The following VIT variants were observed in gnomAD, a reference collection of about 807,000 sequenced individuals.
The protein encoded by VIT is vitrin.
VIT carries 99 observed loss-of-function variants against 78.0 expected under a neutral mutation model. The ratio of observed to expected loss-of-function variants is 1.27; its 90% confidence interval spans 1.08 to 1.50. The LOEUF is 1.50. VIT is among the 40% of genes most tolerant of loss of function. VIT has a pLI of 0.00. For missense variants in VIT, 1,126 were observed against 875.3 expected, an observed-to-expected ratio of 1.29 and a Z score of -3.61; for synonymous variants, 374 against 334.3, an observed-to-expected ratio of 1.12 and a Z score of -1.29.
In VIT at chr2:36,814,152, A is replaced by T. The variant is rs116789127; in HGVS notation, c.1904-31A>T. On this transcript the variant is annotated intron_variant, in intron 15 of 15. Transcript: ENST00000379242. ...TCTTTAGCAGCACCTTTACTTGGGGACATTTGTTCATCTAACCTTTGTCCC... is the reference window on the plus strand; with the variant it reads ...TCTTTAGCAGCACCTTTACTTGGGGTCATTTGTTCATCTAACCTTTGTCCC... The T allele has an allele frequency of 5.3e-4, 851 of 1,600,786 alleles. 8 individuals carry two copies. In the African/African-American group the frequency reaches 0.01, roughly 19 times the overall value.
At chr2:36,799,572 G>T (rs1171418966) in intron 12 of VIT, among the ~76,000 whole-genome samples, 1 of 152,124 alleles carries the variant, frequency 6.6e-6, no homozygotes, top group Non-Finnish European at 1.5e-5. Flanking sequence ...GAAAAAATTT[G>T]CTGGGTGTGG....
chr2:36,783,316 C>A, intron 10 of VIT, 24 bp from the exon 11 acceptor site: 3 of 1,613,446 alleles, frequency 1.9e-6, no homozygotes, highest in Non-Finnish European at 2.5e-6. Flanking sequence ...TGTAAGTCAC[C>A]AAAAGTTTTA....
At chr2:36,803,489 G>C (rs563716127) in intron 13 of VIT, among the ~76,000 whole-genome samples, 1 of 152,176 alleles carries the variant, frequency 6.6e-6, no homozygotes. Flanking sequence ...TTCTCATGGC[G>C]TCTTGTGCTC....
intron 11 of VIT, among the ~76,000 whole-genome samples, chr2:36,786,846 C>A (rs1207088933): frequency 6.6e-6 from 1 of 152,230 alleles, no homozygotes; most frequent in East Asian, 1.9e-4. Flanking sequence ...TGACAGCCTT[C>A]CCTAGCTTGG....
intron 3 of VIT, among the ~76,000 whole-genome samples, chr2:36,730,206 T>A (rs1340698866): frequency 6.6e-6 from 1 of 151,506 alleles, no homozygotes; most frequent in Non-Finnish European, 1.5e-5. Flanking sequence ...GAGAATCACT[T>A]GAACCTGGGA....
intron 3 of VIT, among the ~76,000 whole-genome samples, chr2:36,735,176 GA>G (rs1042720847): frequency 6.6e-6 from 1 of 150,786 alleles, no homozygotes; most frequent in African/African-American, 2.4e-5. Context: ...AAAAGAAAAA[GA>G]AAAAAAGAAA....
At position 36,801,220 on chromosome 2, in the gene VIT, A is replaced by G. The variant is rs572597944; in HGVS notation, c.1059-81A>G. On this transcript the variant is annotated intron_variant, in intron 12 of 15. Transcript: ENST00000379242. ...TTGAAGCAGCTTCTATTTGTATATA[A>G]AAGAATCAACCATGATCTCTGCCTT... is the stretch of plus-strand genomic sequence containing the variant. The G allele has an allele frequency of 5.3e-5, 68 of 1,289,566 alleles. No individual in the cohort carries two copies. In the East Asian group the frequency reaches 1.4e-3, roughly 27 times the overall value. The allele number at this position is 1,289,566 out of a possible 1,614,324, so 79.9% of individuals were successfully genotyped here. A position where few individuals can be genotyped will look rare whatever the true frequency, so the allele number is the denominator to read the frequency against.
Position 36,808,900 on chromosome 2 carries a change from C to G in VIT, c.1818C>G (p.Pro606=), listed in dbSNP as rs1408192744. ...AGCAGCTCTTCAAGAAGTCCAAGCCCAACAAGAGGAAGTTAATGATCCTCA... is the reference window on the plus strand; with the variant it reads ...AGCAGCTCTTCAAGAAGTCCAAGCCGAACAAGAGGAAGTTAATGATCCTCA... ...ALEQLFKKSK[P]NKRKLMILIT... The change falls in exon 15 of 16, where the codon CCC becomes CCG. Residue 606 remains proline (P), a synonymous_variant. Coordinates refer to ENST00000379242, the MANE Select transcript of VIT (RefSeq NM_053276.4). The G allele has an allele frequency of 6.2e-7, 1 of 1,613,948 alleles. No individual in the cohort carries two copies. The highest frequency in any genetic ancestry group is 1.3e-5 in the African/African-American group (1 of 74,902).
chr2:36,775,566 T>C (rs1223047102), intron 9 of VIT, among the ~76,000 whole-genome samples: 1 of 152,172 alleles, frequency 6.6e-6, no homozygotes, highest in East Asian at 1.9e-4. Flanking sequence ...TTTTCTGAGT[T>C]TACCATCCTC....
chr2:36,759,932 G>A (rs983668739), intron 6 of VIT, among the ~76,000 whole-genome samples: 11 of 151,928 alleles, frequency 7.2e-5, no homozygotes, highest in Non-Finnish European at 1.0e-4. Flanking sequence ...GAGAAGTTAA[G>A]TAAATTAACT....
intron 1 of VIT, among the ~76,000 whole-genome samples, chr2:36,701,474 C>G (rs1423787432): frequency 1.3e-5 from 2 of 152,318 alleles, no homozygotes; most frequent in East Asian, 3.9e-4. Flanking sequence ...ATTGACAAGA[C>G]TCTAGTAAAC....
intron 12 of VIT, among the ~76,000 whole-genome samples, chr2:36,800,857 T>A (rs1666272433): frequency 6.6e-6 from 1 of 152,100 alleles, no homozygotes; most frequent in Admixed American, 6.5e-5. Flanking sequence ...CACGTGCAAT[T>A]CCAGTGCTAA....
chr2:36,783,591 G>A (rs191115478), intron 11 of VIT, among the ~76,000 whole-genome samples, 189 bp downstream of exon 11: 23 of 152,312 alleles, frequency 1.5e-4, no homozygotes, highest in Non-Finnish European at 2.9e-4. Flanking sequence ...ATGTGCATGA[G>A]GGGGAGAGGA....
intron 7 of VIT, among the ~76,000 whole-genome samples, chr2:36,772,142 C>T (rs749534673): frequency 6.6e-6 from 1 of 152,184 alleles, no homozygotes; most frequent in African/African-American, 2.4e-5. Context: ...CGTGGTGGCT[C>T]ATGCCTCCCT....
In VIT at chr2:36,805,781, C is replaced by T. The variant is rs574979995; in HGVS notation, c.1389+117C>T. ...AATGTGCATGAAGCTCATCTCTAGG[C>T]AGTAAGGCCTCCAGGGAGGGACTGG... On this transcript the variant is annotated intron_variant, in intron 14 of 15. Coordinates refer to ENST00000379242, the MANE Select transcript of VIT (RefSeq NM_053276.4). 5 of 1,119,384 alleles carry T rather than the reference C, an allele frequency of 4.5e-6. No homozygotes were observed. In the South Asian group the frequency reaches 4.9e-5, roughly 11 times the overall value. The allele number at this position is 1,119,384 out of a possible 1,614,324, so 69.3% of individuals were successfully genotyped here. A position where few individuals can be genotyped will look rare whatever the true frequency, so the allele number is the denominator to read the frequency against.
At chr2:36,808,144 C>G (rs1666864657) in intron 14 of VIT, among the ~76,000 whole-genome samples, 2 of 152,164 alleles carry the variant, frequency 1.3e-5, no homozygotes. Flanking sequence ...GGCTGGCTGC[C>G]AGTACAAAGG....
intron 6 of VIT, 36 bp from the exon 7 acceptor site, chr2:36,767,057 AT>A: frequency 1.3e-6 from 2 of 1,531,530 alleles, no homozygotes; most frequent in Non-Finnish European, 1.8e-6. Flanking sequence ...TGTACAGGTT[AT>A]TTTGTGGGCC....
chr2:36,813,269 G>A (rs1360018357), intron 15 of VIT, among the ~76,000 whole-genome samples: 2 of 151,894 alleles, frequency 1.3e-5, no homozygotes, highest in Admixed American at 1.3e-4. Flanking sequence ...GGCAAACATG[G>A]TGAAACCCTG....
intron 9 of VIT, among the ~76,000 whole-genome samples, chr2:36,778,089 C>T (rs573451130): frequency 6.6e-6 from 1 of 152,306 alleles, no homozygotes; most frequent in East Asian, 1.9e-4. Flanking sequence ...TAAGCTGAAG[C>T]TCTCATATGA....
Sources: gnomAD v4.1 joint callset for allele counts (sites outside exome capture counted in the v4.1 genomes callset) on GRCh38, gnomAD v4.1.1 for gene constraint, MANE v1.5 for transcripts, NCBI Gene and HGNC (gene_info 2026-07-23, HGNC 2026-07-21) for gene names.